ALG10: variants seen among roughly 807,000 people sequenced by gnomAD.
ALG10 encodes the protein ALG10 alpha-1,2-glucosyltransferase.
A neutral mutation model predicts 39.2 loss-of-function variants in ALG10; 25 were observed. That is an observed-to-expected ratio of 0.64 (90% CI 0.46 to 0.89). The LOEUF is 0.89. Among genes scored for constraint, ALG10 ranks in the 40% least tolerant of loss-of-function variants. ALG10 has a pLI of 0.00. For missense variants in ALG10, 486 were observed against 546.6 expected (o/e 0.89, Z 1.11); for synonymous variants, 184 against 193.9 (o/e 0.95, Z 0.42).
At position 34,024,138 on chromosome 12, in the gene ALG10, C is replaced by T; in HGVS notation, c.348C>T (p.Cys116=). ...TCTATTTACTATATTTGCTTTTCTGCAAGGTACAACCCAGAAACAAGGTAT... is the reference window on the plus strand; with the variant it reads ...TCTATTTACTATATTTGCTTTTCTGTAAGGTACAACCCAGAAACAAGGTAT... ...GNFYLLYLLF[C]KVQPRNKAAS... is the part of the protein sequence containing the mutation. The change falls in exon 2 of 3, where the codon TGC becomes TGT. Residue 116 remains cysteine, a synonymous_variant. Transcript: ENST00000266483. 2 of 1,614,086 alleles carry T rather than the reference C, an allele frequency of 1.2e-6. No homozygotes were observed. Among genetic ancestry groups the T allele is most frequent in the Non-Finnish European group, 1.7e-6 (2 of 1,180,002 alleles).
Position 34,024,037 on chromosome 12 carries a change from T to A in ALG10, c.247T>A (p.Phe83Ile). Reference protein sequence around the residue: ...IGVIKPAIWIFGWSEHVVCSI... With the variant: ...IGVIKPAIWIIGWSEHVVCSI... ...AGTGATCAAACCTGCCATTTGGATC[T>A]TTGGATGGTCTGAACATGTTGTCTG... is the stretch of plus-strand genomic sequence containing the variant. Residue 83 changes from phenylalanine (F) to isoleucine (I), a missense_variant, in exon 2 of 3, where the codon TTT becomes ATT. Physicochemically the swap from Phe to Ile is conservative, Grantham distance 21. Transcript: ENST00000266483. 6.2e-7 allele frequency: 1 copy of A among 1,614,218 alleles called. No homozygotes were observed. Among genetic ancestry groups the A allele is most frequent in the East Asian group, 2.2e-5 (1 of 44,864 alleles).
chr12:34,026,343 G>C lies in ALG10; in HGVS notation c.850G>C (p.Ala284Pro), dbSNP rs1942832708. 3 of 1,613,840 alleles carry C rather than the reference G, an allele frequency of 1.9e-6. No individual in the cohort carries two copies. The highest frequency in any genetic ancestry group is 2.5e-6 in the Non-Finnish European group (3 of 1,179,828). ...TATTGGCGATCGGAGTAGTCATGAAGCCTGTCTTCATTTTCCTCAACTATT... is the reference window on the plus strand; with the variant it reads ...TATTGGCGATCGGAGTAGTCATGAACCCTGTCTTCATTTTCCTCAACTATT... Reference protein sequence around the residue: ...IVIGDRSSHEACLHFPQLFYF... With the variant: ...IVIGDRSSHEPCLHFPQLFYF... The change falls in exon 3 of 3, where the codon GCC (alanine) becomes CCC (proline). Residue 284 changes from alanine to proline, a missense_variant. Physicochemically the swap from Ala to Pro is conservative, Grantham distance 27. Transcript: ENST00000266483.
chr12:34,027,158 C>G lies in ALG10; in HGVS notation c.*243C>G, dbSNP rs201097603. 3.6e-5 allele frequency: 13 copies of G among 358,310 alleles called. 1 individual carries two copies. The East Asian group carries it at 6.5e-4, about 18-fold the overall frequency. The allele number at this position is 358,310 out of a possible 1,614,324, so 22.2% of individuals were successfully genotyped here. The stretch of plus-strand genomic sequence containing the variant: ...AAAATAAAATTGTTTTCAGATATCT[C>G]ATATCACTCTCATAATGTTGGCCCC... On this transcript the variant is annotated 3_prime_UTR_variant, in exon 3 of 3. Transcript: ENST00000266483.
At position 34,025,971 on chromosome 12, in the gene ALG10, A is replaced by G. The variant is rs753652771; in HGVS notation, c.478A>G (p.Thr160Ala). The G allele has an allele frequency of 3.7e-6, 6 of 1,613,362 alleles. No homozygotes were observed. The highest frequency in any genetic ancestry group is 1.7e-5 in the Admixed American group (1 of 59,938). The change falls in exon 3 of 3, where the codon ACT (threonine) becomes GCT (alanine). Residue 160 changes from threonine (T) to alanine (A), a missense_variant. Thr to Ala is a moderately conservative substitution (Grantham distance 58). Coordinates refer to ENST00000266483, the MANE Select transcript of ALG10 (RefSeq NM_032834.4). Reference sequence around the variant, plus strand: ...TACAGAAGCAGGATCTATGTTTTTTACTCTTTTTGCGTATTTGATGTGTCT... The same window carrying G: ...TACAGAAGCAGGATCTATGTTTTTTGCTCTTTTTGCGTATTTGATGTGTCT... ...YYTEAGSMFFTLFAYLMCLYG... is the reference protein window; with the variant it reads ...YYTEAGSMFFALFAYLMCLYG...
In ALG10 at chr12:34,025,822, G is replaced by A. The variant is rs1252762917; in HGVS notation, c.370-41G>A. 8 of 1,608,840 alleles carry A rather than the reference G, an allele frequency of 5.0e-6. No individual in the cohort carries two copies. In the East Asian group the frequency reaches 1.3e-4, roughly 27 times the overall value. On this transcript the variant is annotated intron_variant, in intron 2 of 2. Coordinates refer to ENST00000266483, the MANE Select transcript of ALG10 (RefSeq NM_032834.4). ...TAGGTAAGCAGAAATAGCATTTTTT[G>A]TCATGAAAATAATTTTATCTGTGTT...
Position 34,024,020 on chromosome 12 carries a change from A to C in ALG10, c.230A>C (p.Lys77Thr), listed in dbSNP as rs367638429. Residue 77 changes from lysine to threonine, a missense_variant, in exon 2 of 3, where the codon AAA (lysine) becomes ACA (threonine). Transcript: ENST00000266483. Reference sequence around the variant, plus strand: ...TACCTGGTGTCAATTGGAGTGATCAAACCTGCCATTTGGATCTTTGGATGG... The same window carrying C: ...TACCTGGTGTCAATTGGAGTGATCACACCTGCCATTTGGATCTTTGGATGG... ...GLYLVSIGVI[K>T]PAIWIFGWSE... 1 of 1,614,166 alleles carries C rather than the reference A, an allele frequency of 6.2e-7. No homozygotes were observed. Among genetic ancestry groups the C allele is most frequent in the Admixed American group, 1.7e-5 (1 of 60,026 alleles).
rs769725201 is a variant in ALG10, at chr12:34,026,684, A to AATG, written c.1192_1194dup (p.Met398dup). The AATG allele has an allele frequency of 1.9e-6, 3 of 1,613,804 alleles. No individual in the cohort carries two copies. The highest frequency in any genetic ancestry group is 1.7e-6 in the Non-Finnish European group (2 of 1,179,884). ...AATCAAAGTCAATTTTTTGGAATTT[A>AATG]ATGTTTTTCATATGCTTGTTCACTG... On this transcript the variant is annotated inframe_insertion, in exon 3 of 3. Transcript: ENST00000266483.
rs368105472 is a variant in ALG10, at chr12:34,024,142, G to C, written c.352G>C (p.Val118Leu). Residue 118 changes from valine (V) to leucine (L), a missense_variant, in exon 2 of 3, where the codon GTA becomes CTA. Coordinates refer to ENST00000266483, the MANE Select transcript of ALG10 (RefSeq NM_032834.4). ...FYLLYLLFCK[V>L]QPRNKAASSI... The stretch of plus-strand genomic sequence containing the variant: ...TTTACTATATTTGCTTTTCTGCAAG[G>C]TACAACCCAGAAACAAGGTATGTTT... The C allele has an allele frequency of 4.3e-6, 7 of 1,613,870 alleles. No homozygotes were observed. In the African/African-American group the frequency reaches 9.3e-5, roughly 22 times the overall value.
At chr12:34,022,956 A>G (rs1942794740) in intron 1 of ALG10, 186 bp downstream of exon 1, 1 of 835,700 alleles carries the variant, frequency 1.2e-6, no homozygotes, top group Non-Finnish European at 1.8e-6. Context: ...ATGAATGAAT[A>G]AACAGCAGAT....
Position 34,025,846 on chromosome 12 carries a change from T to C in ALG10, c.370-17T>C. On this transcript the variant is annotated splice_polypyrimidine_tract_variant and intron_variant, in intron 2 of 2. Coordinates refer to ENST00000266483, the MANE Select transcript of ALG10 (RefSeq NM_032834.4). ...TGTCATGAAAATAATTTTATCTGTGTTTCTTCTTCCTCCAAGGCTGCCTCA... is the reference window on the plus strand; with the variant it reads ...TGTCATGAAAATAATTTTATCTGTGCTTCTTCTTCCTCCAAGGCTGCCTCA... The C allele has an allele frequency of 1.2e-6, 2 of 1,613,702 alleles. No individual in the cohort carries two copies. Among genetic ancestry groups the C allele is most frequent in the Non-Finnish European group, 1.7e-6 (2 of 1,179,784 alleles).
Position 34,026,371 on chromosome 12 carries a change from A to G in ALG10, c.878A>G (p.Tyr293Cys), listed in dbSNP as rs1753516200. 6.2e-7 allele frequency: 1 copy of G among 1,613,666 alleles called. No homozygotes were observed. Among genetic ancestry groups the G allele is most frequent in the East Asian group, 2.2e-5 (1 of 44,852 alleles). Residue 293 changes from tyrosine (Y) to cysteine (C), a missense_variant, in exon 3 of 3, where the codon TAC becomes TGC. Coordinates refer to ENST00000266483, the MANE Select transcript of ALG10 (RefSeq NM_032834.4). Reference protein sequence around the residue: ...EACLHFPQLFYFFSFTLFFSF... With the variant: ...EACLHFPQLFCFFSFTLFFSF... ...TGTCTTCATTTTCCTCAACTATTCT[A>G]CTTTTTTTCATTTACTCTCTTTTTT...
At chr12:34,023,094 T>C (rs1942796639) in intron 1 of ALG10, 1 of 294,800 alleles carries the variant, frequency 3.4e-6, no homozygotes, top group African/African-American at 2.2e-5. Flanking sequence ...CGGGTGCTCC[T>C]TGGAAATACC....
upstream of ALG10, chr12:34,022,383 T>C: frequency 5.0e-6 from 3 of 600,230 alleles, no homozygotes; most frequent in Non-Finnish European, 8.3e-6. Context: ...ATTGAGAGGG[T>C]AATCATCCGG....
chr12:34,026,474 T>G lies in ALG10; in HGVS notation c.981T>G (p.Phe327Leu). 1.2e-6 allele frequency: 2 copies of G among 1,614,040 alleles called. No individual in the cohort carries two copies. The highest frequency in any genetic ancestry group is 1.7e-6 in the Non-Finnish European group (2 of 1,179,954). Reference sequence around the variant, plus strand: ...TTTGGAAACGTAGAATTCTGTTTTTTGTGGTTACCTTAGTCTCTGTGTTTT... The same window carrying G: ...TTTGGAAACGTAGAATTCTGTTTTTGGTGGTTACCTTAGTCTCTGTGTTTT... ...SLVWKRRILF[F>L]VVTLVSVFLV... The change falls in exon 3 of 3, where the codon TTT becomes TTG. Residue 327 changes from phenylalanine to leucine, a missense_variant. Phe to Leu is a conservative substitution (Grantham distance 22). Coordinates refer to ENST00000266483, the MANE Select transcript of ALG10 (RefSeq NM_032834.4).
intron 1 of ALG10, chr12:34,023,008 G>C (rs1270556769): frequency 3.4e-6 from 2 of 585,432 alleles, no homozygotes; most frequent in East Asian, 6.3e-5. Flanking sequence ...TACTCAACGG[G>C]GAACTGAGCC....
In ALG10 at chr12:34,027,446, C is replaced by T. The variant is rs1942846550; in HGVS notation, c.*531C>T. Reference sequence around the variant, plus strand: ...ACATTTCAGTAATATAATTTTAATTCTAAGTCAAAATACAAATGCATAGAT... The same window carrying T: ...ACATTTCAGTAATATAATTTTAATTTTAAGTCAAAATACAAATGCATAGAT... On this transcript the variant is annotated 3_prime_UTR_variant, in exon 3 of 3. Transcript: ENST00000266483. The T allele has an allele frequency of 6.6e-6, 1 of 152,528 alleles. No individual in the cohort carries two copies. The highest frequency in any genetic ancestry group is 2.4e-5 in the African/African-American group (1 of 41,392). The allele number at this position is 152,528 out of a possible 1,614,324, so 9.4% of individuals were successfully genotyped here.
chr12:34,024,024 T>A lies in ALG10; in HGVS notation c.234T>A (p.Pro78=). 6.2e-7 allele frequency: 1 copy of A among 1,614,192 alleles called. No homozygotes were observed. Among genetic ancestry groups the A allele is most frequent in the Non-Finnish European group, 8.5e-7 (1 of 1,180,024 alleles). The part of the protein sequence containing the change: ...LYLVSIGVIK[P]AIWIFGWSEH... ...TGGTGTCAATTGGAGTGATCAAACC[T>A]GCCATTTGGATCTTTGGATGGTCTG... Residue 78 remains proline, a synonymous_variant, in exon 2 of 3, where the codon CCT becomes CCA. Transcript: ENST00000266483.
upstream of ALG10, chr12:34,022,487 C>A (rs1203526122): frequency 1.3e-5 from 20 of 1,553,252 alleles, no homozygotes; most frequent in South Asian, 2.3e-5. Flanking sequence ...TATGTGGCCC[C>A]GTCTGGCTAG....
chr12:34,025,347 A>C (rs1345598422), intron 2 of ALG10, among the ~76,000 whole-genome samples: 4 of 152,204 alleles, frequency 2.6e-5, no homozygotes, highest in Non-Finnish European at 5.9e-5. Flanking sequence ...TTTCATCATG[A>C]AAATTTCATC....
Sources: allele counts gnomAD v4.1 joint callset (sites outside exome capture counted in the v4.1 genomes callset), GRCh38; gene constraint gnomAD v4.1.1; transcripts MANE v1.5; gene names NCBI Gene and HGNC (gene_info 2026-07-23, HGNC 2026-07-21).